The following C19orf18 variants were observed in gnomAD, a reference collection of about 807,000 sequenced individuals.
C19orf18 encodes chromosome 19 open reading frame 18.
C19orf18 carries 21 observed loss-of-function variants against 23.3 expected under a neutral mutation model. The observed-to-expected ratio is 0.90, with a 90% CI of 0.64 to 1.30. The LOEUF is 1.30. Ranked by LOEUF, C19orf18 falls within the 50% of genes most tolerant of loss-of-function variation. The pLI is 0.00. For missense variants in C19orf18, 249 were observed against 259.6 expected, an observed-to-expected ratio of 0.96 and a Z score of 0.28; for synonymous variants, 96 against 95.2, an observed-to-expected ratio of 1.01 and a Z score of -0.05.
In C19orf18 at chr19:57,958,510, G is replaced by T. The variant is rs1302239431; in HGVS notation, c.*92C>A. ...TTTCTTTGATGTCCTCTTCCATAAG[G>T]TTCTCTGGGAGCAAGCCACGCCCAC... On this transcript the variant is annotated 3_prime_UTR_variant, in exon 6 of 6. Transcript: ENST00000314391. The T allele has an allele frequency of 1.3e-6, 1 of 794,462 alleles. No homozygotes were observed. Among genetic ancestry groups the T allele is most frequent in the South Asian group, 1.7e-5 (1 of 59,484 alleles). The allele number at this position is 794,462 out of a possible 1,614,324, so 49.2% of individuals were successfully genotyped here.
At chr19:57,966,657 G>A (rs750096083) in intron 3 of C19orf18, 25 bp from the exon 4 acceptor site, 2 of 1,513,130 alleles carry the variant, frequency 1.3e-6, no homozygotes, top group African/African-American at 2.8e-5. Flanking sequence ...AAGAAAAGAA[G>A]TGCTCAAAAA....
chr19:57,963,806 C>T (rs924754064), intron 4 of C19orf18, among the ~76,000 whole-genome samples: 2 of 152,016 alleles, frequency 1.3e-5, no homozygotes, highest in African/African-American at 2.4e-5. Context: ...AGGAGAATGG[C>T]GTGAACCTGG....
At chr19:57,966,223 C>T (rs894221553) in intron 4 of C19orf18, among the ~76,000 whole-genome samples, 1 of 152,056 alleles carries the variant, frequency 6.6e-6, no homozygotes, top group Non-Finnish European at 1.5e-5. Context: ...ATGATCCACC[C>T]GCCTCGGCCT....
At chr19:57,964,533 C>T (rs950652911) in intron 4 of C19orf18, among the ~76,000 whole-genome samples, 4 of 152,204 alleles carry the variant, frequency 2.6e-5, no homozygotes, top group East Asian at 1.9e-4. Flanking sequence ...CCACCCGCCT[C>T]GGCCTCCCAA....
intron 4 of C19orf18, 77 bp downstream of exon 4, chr19:57,966,453 C>T (rs1262801723): frequency 8.6e-6 from 8 of 926,976 alleles, no homozygotes; most frequent in African/African-American, 1.7e-5. Flanking sequence ...CATCATCATC[C>T]TTTGACATTA....
rs1249732904 is a variant in C19orf18, at chr19:57,974,480, T to C, written c.-48A>G. On this transcript the variant is annotated 5_prime_UTR_variant, in exon 1 of 6. The change abolishes the stop of an existing upstream ORF in the 5' untranslated region. Transcript: ENST00000314391. ...TATCCCGTAGATGAAAGGAAATACT[T>C]AGCTACAGTCCAGCATCTGTCCTCT... The C allele has an allele frequency of 1.2e-6, 2 of 1,602,828 alleles. No homozygotes were observed. The highest frequency in any genetic ancestry group is 1.7e-5 in the Admixed American group (1 of 59,880).
At chr19:57,971,688 C>T (rs2072945511) in intron 3 of C19orf18, among the ~76,000 whole-genome samples, 1 of 152,106 alleles carries the variant, frequency 6.6e-6, no homozygotes, top group African/African-American at 2.4e-5. Flanking sequence ...CCAAGCTGGT[C>T]TCGAACTCGT....
At chr19:57,959,802 A>G (rs2072852786) in intron 5 of C19orf18, among the ~76,000 whole-genome samples, 1 of 150,844 alleles carries the variant, frequency 6.6e-6, no homozygotes, top group Admixed American at 6.6e-5. Flanking sequence ...CTCAAAAAAA[A>G]AAAAAAAAAG....
At chr19:57,963,659 G>A (rs893752727) in intron 4 of C19orf18, among the ~76,000 whole-genome samples, 10 of 152,184 alleles carry the variant, frequency 6.6e-5, no homozygotes, top group East Asian at 5.8e-4. Context: ...AGTCCGAGGC[G>A]GGCGGATCAC....
chr19:57,972,061 G>A (rs1300395662), intron 3 of C19orf18, among the ~76,000 whole-genome samples: 2 of 152,196 alleles, frequency 1.3e-5, no homozygotes, highest in African/African-American at 2.4e-5. Flanking sequence ...CTCTGGGGCG[G>A]GAGCAGCAGC....
At chr19:57,960,660 CG>C (rs992623177) in intron 5 of C19orf18, among the ~76,000 whole-genome samples, 11 of 151,940 alleles carry the variant, frequency 7.2e-5, no homozygotes, top group African/African-American at 2.4e-4. Flanking sequence ...GATAACATCA[CG>C]GTAATGAGTA....
chr19:57,958,799 G>A, intron 5 of C19orf18, 82 bp from the exon 6 acceptor site: 1 of 706,882 alleles, frequency 1.4e-6, no homozygotes, highest in African/African-American at 1.9e-5. Context: ...GAAAAAGCCT[G>A]GAAAAATAGA....
chr19:57,966,531 A>G lies in C19orf18; in HGVS notation c.370T>C (p.Tyr124His). The G allele has an allele frequency of 1.3e-6, 2 of 1,577,680 alleles. No individual in the cohort carries two copies. The highest frequency in any genetic ancestry group is 2.2e-5 in the South Asian group (2 of 89,940). The change falls in exon 4 of 6, where the codon TAT becomes CAT. Residue 124 changes from tyrosine to histidine, a missense_variant and splice_region_variant. By Grantham distance (83) the Tyr-to-His change is moderately conservative. Transcript: ENST00000314391. ...ICGMAISYMIYRLAQAEERQQ... is the reference protein window; with the variant it reads ...ICGMAISYMIHRLAQAEERQQ... ...AGATATTACTTAGCAGATACTTACT[A>G]TATCATATAGGAGATTGCCATCCCA...
chr19:57,962,020 TTC>T (rs1462452229), intron 4 of C19orf18, among the ~76,000 whole-genome samples: 3 of 150,534 alleles, frequency 2.0e-5, no homozygotes, highest in Non-Finnish European at 4.4e-5. Context: ...ATCTCTCCCT[TTC>T]TCTTTCTCTC....
At chr19:57,959,942 C>T (rs2072854311) in intron 5 of C19orf18, among the ~76,000 whole-genome samples, 3 of 151,078 alleles carry the variant, frequency 2.0e-5, no homozygotes, top group Admixed American at 2.0e-4. Context: ...AACTCCGTCT[C>T]TACTAAAAAT....
chr19:57,959,611 C>T (rs573617106), intron 5 of C19orf18, among the ~76,000 whole-genome samples: 1 of 149,592 alleles, frequency 6.7e-6, no homozygotes, highest in Non-Finnish European at 1.5e-5. Context: ...GGCAACAGAG[C>T]GAGACTCCAT....
chr19:57,963,485 C>T (rs1349172219), intron 4 of C19orf18, among the ~76,000 whole-genome samples: 1 of 152,088 alleles, frequency 6.6e-6, no homozygotes, highest in Non-Finnish European at 1.5e-5. Flanking sequence ...TCCCTATACA[C>T]GTTTTAATGT....
At chr19:57,967,993 C>G (rs1342997619) in intron 3 of C19orf18, among the ~76,000 whole-genome samples, 1 of 151,026 alleles carries the variant, frequency 6.6e-6, no homozygotes, top group East Asian at 1.9e-4. Context: ...GCCTGGGCAA[C>G]AGAGCGAGAC....
intron 2 of C19orf18, among the ~76,000 whole-genome samples, chr19:57,972,918 G>C (rs1413129066): frequency 6.6e-6 from 1 of 151,718 alleles, no homozygotes; most frequent in Non-Finnish European, 1.5e-5. Flanking sequence ...ATCCCAGCGA[G>C]GAAGGCAGAT....
Sources: allele counts gnomAD v4.1 joint callset (sites outside exome capture counted in the v4.1 genomes callset), GRCh38; gene constraint gnomAD v4.1.1; transcripts MANE v1.5; gene names NCBI Gene and HGNC (gene_info 2026-07-23, HGNC 2026-07-21).